DMTN: variants seen among roughly 807,000 people sequenced by gnomAD.
DMTN encodes dematin actin binding protein.
In DMTN, 27 loss-of-function variants were observed where a neutral mutation model predicts 59.4. The ratio of observed to expected loss-of-function variants is 0.45; its 90% CI spans 0.33 to 0.63. DMTN has a LOEUF of 0.63. DMTN is among the 20% of genes least tolerant of loss of function. The pLI is 0.02. For missense variants in DMTN, 451 were observed against 528.9 expected, an observed-to-expected ratio of 0.85 and a Z score of 1.45; for synonymous variants, 221 against 203.7, an observed-to-expected ratio of 1.08 and a Z score of -0.72.
At chr8:22,055,310 G>A (rs1046713652), upstream of DMTN, 27 of 152,376 alleles carry the variant, frequency 1.8e-4, no homozygotes, top group African/African-American at 6.0e-4. Context: ...CGGGGATCAG[G>A]AATTCTAAAG....
Position 22,060,111 on chromosome 8 carries a change from C to T in DMTN, c.-172+2975C>T, listed in dbSNP as rs537670138. On this transcript the variant is annotated intron_variant, in intron 1 of 15. Transcript: ENST00000358242. The surrounding 1 kb of genome is among the most constrained non-coding windows in gnomAD (Gnocchi z 5.0). ...CCAGGGGCAGCTGAGCTGTCCCTTCCGTCACCTGGACCTGCCTTCCTCTGT... is the reference window on the plus strand; with the variant it reads ...CCAGGGGCAGCTGAGCTGTCCCTTCTGTCACCTGGACCTGCCTTCCTCTGT... 2.0e-5 allele frequency among the ~76,000 whole-genome samples: 3 copies of T among 152,166 alleles called. No individual in the cohort carries two copies. Among genetic ancestry groups the T allele is most frequent in the Admixed American group, 6.5e-5 (1 of 15,278 alleles).
At chr8:22,064,744 C>G (rs1809244472) in intron 1 of DMTN, among the ~76,000 whole-genome samples, 1 of 152,196 alleles carries the variant, frequency 6.6e-6, no homozygotes, top group South Asian at 2.1e-4. Flanking sequence ...AGGTGTGAGC[C>G]ACCGCGCCCG....
At position 22,069,145 on chromosome 8, in the gene DMTN, C is replaced by T. The variant is rs947229521; in HGVS notation, c.294+85C>T. The T allele has an allele frequency of 2.7e-6, 4 of 1,490,666 alleles. No individual in the cohort carries two copies. In the African/African-American group the frequency reaches 4.2e-5, roughly 16 times the overall value. 92.3% of individuals were successfully genotyped at this position (1,490,666 alleles called of 1,614,324 possible). ...CTCCCCTCACACATCAGACCAAGCTCTGCAGAGCCCAGGGAGTGCCCGAAT... is the reference window on the plus strand; with the variant it reads ...CTCCCCTCACACATCAGACCAAGCTTTGCAGAGCCCAGGGAGTGCCCGAAT... On this transcript the variant is annotated intron_variant, in intron 5 of 15. Transcript: ENST00000358242.
chr8:22,066,924 C>A (rs1419684413), intron 2 of DMTN, 31 bp downstream of exon 2: 4 of 1,239,294 alleles, frequency 3.2e-6, no homozygotes, highest in East Asian at 3.3e-5. Context: ...CCGGGGCCGC[C>A]GAGGGCGGGT....
chr8:22,075,516 A>ATTTTTTTTTTTTTTTTTTTTTTTTT (rs386412281), intron 10 of DMTN, among the ~76,000 whole-genome samples: 1 of 87,728 alleles, frequency 1.1e-5, no homozygotes, highest in African/African-American at 4.8e-5. Flanking sequence ...GCCCAGCTAA[A>ATTTTTTTTTTTTTTTTTTTTTTTTT]TTTTTTTTTT....
chr8:22,078,619 AT>A (rs1223133287), intron 10 of DMTN, among the ~76,000 whole-genome samples: 1 of 151,590 alleles, frequency 6.6e-6, no homozygotes, highest in Non-Finnish European at 1.5e-5. Context: ...AGGAAAACAT[AT>A]TACTGGAAAC....
rs199546893 is a variant in DMTN, at chr8:22,082,383, G to T, written c.*920G>T. ...CCAGCTTGACTTCTTTCCAGTCCAC[G>T]TGTGTATATAATGATATCTATATTT... On this transcript the variant is annotated 3_prime_UTR_variant, in exon 16 of 16. Transcript: ENST00000358242. 1 of 378,036 alleles carries T rather than the reference G, an allele frequency of 2.6e-6. No homozygotes were observed. Among genetic ancestry groups the T allele is most frequent in the Non-Finnish European group, 5.3e-6 (1 of 188,568 alleles). The allele number at this position is 378,036 out of a possible 1,614,324, so 23.4% of individuals were successfully genotyped here.
intron 1 of DMTN, among the ~76,000 whole-genome samples, chr8:22,062,506 C>T (rs940635934): frequency 6.6e-6 from 1 of 152,152 alleles, no homozygotes; most frequent in South Asian, 2.1e-4. Context: ...GTGCCCACTG[C>T]CCCCTGCAGC....
intron 14 of DMTN, 95 bp downstream of exon 14, chr8:22,080,965 A>C (rs2131600419): frequency 6.7e-7 from 1 of 1,496,430 alleles, no homozygotes; most frequent in Non-Finnish European, 9.1e-7. Flanking sequence ...CTGGTGTTGA[A>C]GATGGGAGGG....
At chr8:22,073,592 C>G in intron 9 of DMTN, 138 bp from the exon 10 acceptor site, 1 of 652,846 alleles carries the variant, frequency 1.5e-6, no homozygotes, top group Non-Finnish European at 2.5e-6. Context: ...GTTTGTGCCA[C>G]TGAACTCCAG....
chr8:22,068,585 T>G (rs1812641069), intron 4 of DMTN, among the ~76,000 whole-genome samples: 1 of 145,524 alleles, frequency 6.9e-6, no homozygotes, highest in Non-Finnish European at 1.5e-5. Flanking sequence ...GAGAGAGGGA[T>G]AGAGGAGAAA....
chr8:22,068,266 G>C (rs1228678087), intron 4 of DMTN, among the ~76,000 whole-genome samples: 1 of 152,198 alleles, frequency 6.6e-6, no homozygotes, highest in Non-Finnish European at 1.5e-5. Flanking sequence ...TCTGAGGACA[G>C]GACAAACTAT....
rs1031786251 is a variant in DMTN, at chr8:22,058,433, G to A, written c.-172+1297G>A. ...GCTATAAATGGAGGGGAAGCAGTCC[G>A]CCTGAGGGGGCTGCAGGATGCAGAA... On this transcript the variant is annotated intron_variant, in intron 1 of 15. Transcript: ENST00000358242. This position sits in a 1 kb window ranked among gnomAD's most constrained non-coding sequence, Gnocchi z 4.3. Among the ~76,000 whole-genome samples, 1 of 152,326 alleles carries A rather than the reference G, an allele frequency of 6.6e-6. No homozygotes were observed. The highest frequency in any genetic ancestry group is 1.9e-4 in the East Asian group (1 of 5,176).
chr8:22,065,186 A>C lies in DMTN; in HGVS notation c.-171-1519A>C, dbSNP rs539923031. Among the ~76,000 whole-genome samples the C allele has an allele frequency of 2.0e-5, 3 of 152,194 alleles. No individual in the cohort carries two copies. In the South Asian group the frequency reaches 6.2e-4, roughly 32 times the overall value. On this transcript the variant is annotated intron_variant, in intron 1 of 15. Transcript: ENST00000358242. The stretch of plus-strand genomic sequence containing the variant: ...GCTGAGATGACTACAGCTGCATATC[A>C]CTACATCTGGCTAATTTTTACATTT...
At chr8:22,052,722 G>A (rs1801476335), upstream of DMTN, among the ~76,000 whole-genome samples, 1 of 152,012 alleles carries the variant, frequency 6.6e-6, no homozygotes, top group African/African-American at 2.4e-5. Flanking sequence ...GGGGAGATAA[G>A]AATTATTGGG....
At chr8:22,070,012 G>A (rs976831210) in intron 7 of DMTN, 75 bp downstream of exon 7, 15 of 1,592,110 alleles carry the variant, frequency 9.4e-6, no homozygotes, top group African/African-American at 2.7e-5. Context: ...GCTGCGGGCT[G>A]GCTGGAGGGG....
chr8:22,067,431 C>T (rs1228758508), intron 3 of DMTN, 96 bp from the exon 4 acceptor site: 1 of 1,529,216 alleles, frequency 6.5e-7, no homozygotes, highest in East Asian at 2.3e-5. Context: ...CAATGGCGGT[C>T]CATTTTCTTG....
At chr8:22,080,718 G>C in intron 13 of DMTN, 87 bp from the exon 14 acceptor site, 1 of 1,582,752 alleles carries the variant, frequency 6.3e-7, no homozygotes, top group Non-Finnish European at 8.6e-7. Flanking sequence ...GGGCCACAGA[G>C]TTGCCTGGTG....
chr8:22,074,240 C>T (rs1449658999), intron 10 of DMTN, among the ~76,000 whole-genome samples: 1 of 150,608 alleles, frequency 6.6e-6, no homozygotes, highest in Non-Finnish European at 1.5e-5. Flanking sequence ...CCTGGGAGGC[C>T]AAACTGAGGG....
Sources: allele counts gnomAD v4.1 joint callset (sites outside exome capture counted in the v4.1 genomes callset), GRCh38; gene constraint gnomAD v4.1.1; non-coding constraint Gnocchi (gnomAD v3.1); transcripts MANE v1.5; gene names NCBI Gene and HGNC (gene_info 2026-07-23, HGNC 2026-07-21).